The following RFX3 variants were observed in gnomAD, a reference collection of about 807,000 sequenced individuals.
RFX3 encodes regulatory factor X3.
RFX3 carries 14 observed loss-of-function variants against 98.6 expected under a neutral mutation model. The ratio of observed to expected loss-of-function variants is 0.14; its 90% confidence interval spans 0.09 to 0.22. The LOEUF is 0.22. RFX3 is among the 10% of genes least tolerant of loss of function. The pLI is 1.00. For missense variants in RFX3, 639 were observed against 926.9 expected, an observed-to-expected ratio of 0.69 and a Z score of 4.03; for synonymous variants, 383 against 328.4, an observed-to-expected ratio of 1.17 and a Z score of -1.80.
intron 15 of RFX3, among the ~76,000 whole-genome samples, chr9:3,232,338 T>C (rs1167353487): frequency 6.6e-6 from 1 of 152,140 alleles, no homozygotes; most frequent in Admixed American, 6.6e-5. Context: ...ACAGTCAATA[T>C]TGCTTCCCTG....
intron 13 of RFX3, among the ~76,000 whole-genome samples, chr9:3,259,065 C>A (rs1318597492): frequency 6.6e-6 from 1 of 151,916 alleles, no homozygotes; most frequent in African/African-American, 2.4e-5. Context: ...TTTATTGCAT[C>A]ATATACTATT....
intron 7 of RFX3, among the ~76,000 whole-genome samples, chr9:3,285,066 A>T (rs569902592): frequency 1.3e-5 from 2 of 151,934 alleles, no homozygotes; most frequent in East Asian, 3.9e-4. Flanking sequence ...ATAATTCCAA[A>T]TTCATGAGAA....
chr9:3,382,019 T>G (rs1009849562), intron 2 of RFX3, among the ~76,000 whole-genome samples: 10 of 152,316 alleles, frequency 6.6e-5, no homozygotes, highest in Non-Finnish European at 1.5e-4. Flanking sequence ...ATTTATTATA[T>G]GTTAGGTGAA....
chr9:3,229,609 A>G (rs1171496385), intron 15 of RFX3, among the ~76,000 whole-genome samples: 1 of 152,228 alleles, frequency 6.6e-6, no homozygotes, highest in African/African-American at 2.4e-5. Flanking sequence ...TCTCAGGGTG[A>G]ACAAAGATGG....
intron 1 of RFX3, among the ~76,000 whole-genome samples, chr9:3,522,117 C>A (rs989809237): frequency 2.6e-5 from 4 of 151,996 alleles, no homozygotes; most frequent in Non-Finnish European, 5.9e-5. Context: ...ATGCCACCTG[C>A]TTTAGACAGC....
At chr9:3,275,211 A>G (rs1825046948) in intron 9 of RFX3, among the ~76,000 whole-genome samples, 1 of 151,990 alleles carries the variant, frequency 6.6e-6, no homozygotes, top group Admixed American at 6.6e-5. Flanking sequence ...CCCAGATATA[A>G]ATATTTTTGT....
intron 1 of RFX3, among the ~76,000 whole-genome samples, chr9:3,477,893 A>G (rs1849409038): frequency 6.6e-6 from 1 of 151,258 alleles, no homozygotes; most frequent in Non-Finnish European, 1.5e-5. Context: ...GAGTTAAAAG[A>G]TTCCTTCATT....
At chr9:3,488,009 A>C (rs995291157) in intron 1 of RFX3, among the ~76,000 whole-genome samples, 1 of 152,198 alleles carries the variant, frequency 6.6e-6, no homozygotes, top group African/African-American at 2.4e-5. Flanking sequence ...TGACCTATTG[A>C]AAATATGAGG....
chr9:3,351,856 A>C (rs1398699582), intron 2 of RFX3, among the ~76,000 whole-genome samples: 1 of 152,018 alleles, frequency 6.6e-6, no homozygotes, highest in Non-Finnish European at 1.5e-5. Flanking sequence ...TAGTAGTAAT[A>C]TAAATAGGTT....
At chr9:3,382,634 T>C (rs1291855702) in intron 2 of RFX3, among the ~76,000 whole-genome samples, 1 of 152,188 alleles carries the variant, frequency 6.6e-6, no homozygotes, top group Non-Finnish European at 1.5e-5. Context: ...GTTTGTAAAG[T>C]AGTCCAATTG....
At chr9:3,389,518 G>C (rs959023725) in intron 2 of RFX3, among the ~76,000 whole-genome samples, 1 of 152,032 alleles carries the variant, frequency 6.6e-6, no homozygotes, top group African/African-American at 2.4e-5. Context: ...ATGATGTTTT[G>C]TGAGATCATG....
chr9:3,423,193 G>A (rs1483411088), intron 1 of RFX3, among the ~76,000 whole-genome samples: 2 of 152,130 alleles, frequency 1.3e-5, no homozygotes, highest in African/African-American at 2.4e-5. Flanking sequence ...AGGAAGGAAT[G>A]TTTTCAAACG....
At chr9:3,296,493 G>A (rs181419297) in intron 5 of RFX3, among the ~76,000 whole-genome samples, 1 of 152,010 alleles carries the variant, frequency 6.6e-6, no homozygotes, top group Admixed American at 6.6e-5. Context: ...AAGAAATTCT[G>A]TTTAAATTCT....
intron 5 of RFX3, among the ~76,000 whole-genome samples, chr9:3,294,336 G>C (rs866591411): frequency 1.3e-5 from 2 of 152,042 alleles, no homozygotes; most frequent in African/African-American, 4.8e-5. Context: ...ATGTAAGACA[G>C]GTGTAATAAA....
chr9:3,437,431 G>C (rs1845232707), intron 1 of RFX3, among the ~76,000 whole-genome samples: 1 of 152,032 alleles, frequency 6.6e-6, no homozygotes, highest in African/African-American at 2.4e-5. Flanking sequence ...GCTAGACTTA[G>C]AACACAGAAT....
At chr9:3,366,698 CTTTCTTTCTTT>C (rs1563993634) in intron 2 of RFX3, among the ~76,000 whole-genome samples, 27 of 61,808 alleles carry the variant, frequency 4.4e-4, no homozygotes, top group African/African-American at 1.6e-3. Flanking sequence ...TCTTTCCTTT[CTTTCTTTCTTT>C]CTTTCTTTCT....
At chr9:3,374,115 C>T (rs1310790952) in intron 2 of RFX3, among the ~76,000 whole-genome samples, 1 of 151,418 alleles carries the variant, frequency 6.6e-6, no homozygotes, top group East Asian at 1.9e-4. Context: ...CACACACACA[C>T]AAACCCCACA....
intron 2 of RFX3, among the ~76,000 whole-genome samples, chr9:3,378,942 G>A (rs1393330066): frequency 6.6e-6 from 1 of 152,096 alleles, no homozygotes; most frequent in Non-Finnish European, 1.5e-5. Flanking sequence ...GACTGCTTAC[G>A]CTATTCAGAA....
At chr9:3,491,645 T>C (rs1850725316) in intron 1 of RFX3, among the ~76,000 whole-genome samples, 1 of 152,184 alleles carries the variant, frequency 6.6e-6, no homozygotes, top group African/African-American at 2.4e-5. Flanking sequence ...ATAAAACCTA[T>C]TCTTTGAACA....
Sources: gnomAD v4.1 joint callset for allele counts (sites outside exome capture counted in the v4.1 genomes callset) on GRCh38, gnomAD v4.1.1 for gene constraint, MANE v1.5 for transcripts, NCBI Gene and HGNC (gene_info 2026-07-23, HGNC 2026-07-21) for gene names.